The following SLC7A2 variants were observed in gnomAD, a reference collection of about 807,000 sequenced individuals.
The protein encoded by SLC7A2 is solute carrier family 7 member 2, also known as cationic amino acid transporter 2.
A neutral mutation model predicts 58.9 loss-of-function variants in SLC7A2; 48 were observed. That is an observed-to-expected ratio of 0.82 (90% CI 0.65 to 1.04). SLC7A2 has a LOEUF of 1.04. Ranked by LOEUF, SLC7A2 falls within the 50% of genes least tolerant of loss-of-function variation. The probability of loss-of-function intolerance (pLI) is 0.00; values close to 1 mark genes in which losing one functional copy is unlikely to be tolerated. For synonymous variants in SLC7A2, 363 were observed against 314.5 expected (o/e 1.15, Z -1.63); for missense variants, 1,029 against 818.8 (o/e 1.26, Z -3.13).
intron 7 of SLC7A2, among the ~76,000 whole-genome samples, chr8:17,554,058 C>T (rs966917459): frequency 6.6e-6 from 1 of 152,060 alleles, no homozygotes; most frequent in Non-Finnish European, 1.5e-5. Context: ...GATCCAAGAT[C>T]AGGGTGTATG....
chr8:17,507,468 C>T (rs1585182853), intron 2 of SLC7A2, among the ~76,000 whole-genome samples: 1 of 152,068 alleles, frequency 6.6e-6, no homozygotes, highest in African/African-American at 2.4e-5. Flanking sequence ...CTCGCCTTGG[C>T]CTCCCAAAGT....
At chr8:17,508,626 C>T (rs368606117) in intron 2 of SLC7A2, among the ~76,000 whole-genome samples, 133 of 151,874 alleles carry the variant, frequency 8.8e-4, no homozygotes, top group African/African-American at 3.0e-3. Context: ...CAGGAGGCTG[C>T]GGTATGAGAA....
At chr8:17,503,512 C>T (rs904392843) in intron 2 of SLC7A2, among the ~76,000 whole-genome samples, 1 of 152,040 alleles carries the variant, frequency 6.6e-6, no homozygotes, top group Non-Finnish European at 1.5e-5. Flanking sequence ...GCTCATAGTT[C>T]GCAGAATATT....
intron 2 of SLC7A2, among the ~76,000 whole-genome samples, chr8:17,542,030 A>C (rs1039433526): frequency 3.3e-5 from 5 of 152,048 alleles, no homozygotes; most frequent in Admixed American, 1.3e-4. Context: ...CTTTGGACTT[A>C]TTTATCTAGA....
At chr8:17,508,174 C>G (rs1292593421) in intron 2 of SLC7A2, among the ~76,000 whole-genome samples, 2 of 151,386 alleles carry the variant, frequency 1.3e-5, no homozygotes, top group African/African-American at 4.9e-5. Flanking sequence ...GTTCAGTGAA[C>G]CAAACAAAAA....
intron 6 of SLC7A2, 96 bp from the exon 7 acceptor site, chr8:17,551,668 A>T: frequency 1.1e-6 from 1 of 881,318 alleles, no homozygotes; most frequent in Non-Finnish European, 1.9e-6. Context: ...GCAGAGGAGA[A>T]CTACCCTGGA....
chr8:17,510,647 G>T (rs967973526), intron 2 of SLC7A2: 1 of 152,142 alleles, frequency 6.6e-6, no homozygotes, highest in African/African-American at 2.4e-5. Context: ...ATAAGTGTCT[G>T]TTCATATCTT....
At chr8:17,510,224 TAAAC>T (rs917039978) in intron 2 of SLC7A2, among the ~76,000 whole-genome samples, 2 of 129,566 alleles carry the variant, frequency 1.5e-5, no homozygotes, top group African/African-American at 2.9e-5. Context: ...TGTCTCAAAA[TAAAC>T]AAATAATAAT....
rs957216967 is a variant in SLC7A2, at chr8:17,508,215, A to G, written c.-23+5913A>G. Among the ~76,000 whole-genome samples, 11 of 152,268 alleles carry G rather than the reference A, an allele frequency of 7.2e-5. No homozygotes were observed. The East Asian group carries it at 2.1e-3, about 29-fold the overall frequency. On this transcript the variant is annotated intron_variant, in intron 2 of 12. Coordinates refer to ENST00000494857, the MANE Select transcript of SLC7A2 (RefSeq NM_001370338.1). ...CAGACTTGGCAGAAAATTCCTGTTGATAGTGCATTTTTTCTCTACTGAAAT... is the reference window on the plus strand; with the variant it reads ...CAGACTTGGCAGAAAATTCCTGTTGGTAGTGCATTTTTTCTCTACTGAAAT...
chr8:17,499,405 C>G (rs1438840374), intron 1 of SLC7A2, among the ~76,000 whole-genome samples: 1 of 150,128 alleles, frequency 6.7e-6, no homozygotes, highest in Admixed American at 6.7e-5. Flanking sequence ...CCTCTTCCCT[C>G]CATTCTCTCT....
chr8:17,546,236 A>T (rs1241572431), intron 4 of SLC7A2, among the ~76,000 whole-genome samples: 1 of 152,222 alleles, frequency 6.6e-6, no homozygotes, highest in Non-Finnish European at 1.5e-5. Flanking sequence ...CTGTGACACA[A>T]TTAGAACATA....
intron 2 of SLC7A2, among the ~76,000 whole-genome samples, chr8:17,510,027 C>G (rs1800537309): frequency 6.6e-6 from 1 of 151,952 alleles, no homozygotes; most frequent in Non-Finnish European, 1.5e-5. Context: ...TGAGACCAGC[C>G]TGAACAACAT....
chr8:17,538,333 T>A (rs998247645), intron 2 of SLC7A2, among the ~76,000 whole-genome samples: 1 of 152,208 alleles, frequency 6.6e-6, no homozygotes, highest in Non-Finnish European at 1.5e-5. Context: ...TTCAGAAGAC[T>A]TGATTTGGAG....
At chr8:17,550,469 T>A in intron 6 of SLC7A2, 35 bp downstream of exon 6, 1 of 1,594,088 alleles carries the variant, frequency 6.3e-7, no homozygotes, top group African/African-American at 1.3e-5. Context: ...GTAGAAGGAG[T>A]GTTCCTTGTT....
At position 17,558,364 on chromosome 8, in the gene SLC7A2, A is replaced by G; in HGVS notation, c.1265A>G (p.Tyr422Cys). 1 of 1,612,332 alleles carries G rather than the reference A, an allele frequency of 6.2e-7. No individual in the cohort carries two copies. Among genetic ancestry groups the G allele is most frequent in the Non-Finnish European group, 8.5e-7 (1 of 1,179,224 alleles). Reference protein sequence around the residue: ...DMMSIGTLMAYSLVAACVLIL... With the variant: ...DMMSIGTLMACSLVAACVLIL... ...ATGTCCATTGGCACACTCATGGCCT[A>G]CTCTCTGGTGGCAGCCTGTGTTCTC... Residue 422 changes from tyrosine to cysteine, a missense_variant, in exon 9 of 13, where the codon TAC (tyrosine) becomes TGC (cysteine). Transcript: ENST00000494857.
At chr8:17,561,838 T>C in intron 10 of SLC7A2, 106 bp from the exon 11 acceptor site, 2 of 1,011,692 alleles carry the variant, frequency 2.0e-6, no homozygotes, top group African/African-American at 1.6e-5. Context: ...TTTAGCCAAG[T>C]AGATGTGTAC....
intron 2 of SLC7A2, among the ~76,000 whole-genome samples, chr8:17,505,081 A>G (rs913122907): frequency 1.2e-4 from 11 of 88,310 alleles, no homozygotes; most frequent in African/African-American, 3.7e-4. Flanking sequence ...ACCACCCCCC[A>G]CCCCCCCGCC....
At chr8:17,528,911 C>T (rs528802576) in intron 2 of SLC7A2, among the ~76,000 whole-genome samples, 25 of 152,116 alleles carry the variant, frequency 1.6e-4, no homozygotes, top group South Asian at 6.3e-4. Flanking sequence ...CCTTGAAACT[C>T]GGGGCTCTCG....
At chr8:17,554,277 G>A (rs1207457429) in intron 7 of SLC7A2, among the ~76,000 whole-genome samples, 1 of 152,116 alleles carries the variant, frequency 6.6e-6, no homozygotes. Context: ...GGTAATAATT[G>A]TGGGTACACA....
Sources: allele counts gnomAD v4.1 joint callset (sites outside exome capture counted in the v4.1 genomes callset), GRCh38; gene constraint gnomAD v4.1.1; transcripts MANE v1.5; gene names NCBI Gene and HGNC (gene_info 2026-07-23, HGNC 2026-07-21).